FER1L5: variants seen among roughly 807,000 people sequenced by gnomAD.
The protein encoded by FER1L5 is fer-1-like protein 5.
In FER1L5, 187 loss-of-function variants were observed where a neutral mutation model predicts 279.9. The observed-to-expected ratio is 0.67, with a 90% confidence interval of 0.59 to 0.75. The LOEUF (loss-of-function observed/expected upper bound fraction) is 0.75. Ranked by LOEUF, FER1L5 falls within the 30% of genes least tolerant of loss-of-function variation. The pLI, the probability that FER1L5 is intolerant of heterozygous loss-of-function variation, is 0.00. For missense variants in FER1L5, 2,091 were observed against 2,594.4 expected, an observed-to-expected ratio of 0.81 and a Z score of 4.21; for synonymous variants, 921 against 989.7, an observed-to-expected ratio of 0.93 and a Z score of 1.30.
intron 10 of FER1L5, 125 bp downstream of exon 10, chr2:96,660,496 T>A: frequency 1.2e-6 from 1 of 814,678 alleles, no homozygotes; most frequent in Non-Finnish European, 2.0e-6. Flanking sequence ...TGTAAATTAT[T>A]TTCTGTATTT....
At chr2:96,656,070 C>T (rs1165319570) in intron 9 of FER1L5, among the ~76,000 whole-genome samples, 1 of 151,998 alleles carries the variant, frequency 6.6e-6, no homozygotes, top group Non-Finnish European at 1.5e-5. Flanking sequence ...ATCCTCATCA[C>T]TCATCTTCAT....
At chr2:96,649,279 T>A (rs546565168) in intron 4 of FER1L5, among the ~76,000 whole-genome samples, 1 of 151,998 alleles carries the variant, frequency 6.6e-6, no homozygotes, top group Non-Finnish European at 1.5e-5. Flanking sequence ...GTTCATGAGA[T>A]GTTGGGCTAG....
rs1221458302 is a variant in FER1L5, at chr2:96,693,423, GGT to G, written c.3293-82_3293-81del. 11 of 1,393,280 alleles carry G rather than the reference GGT, an allele frequency of 7.9e-6. No individual in the cohort carries two copies. The East Asian group carries it at 2.8e-4, about 35-fold the overall frequency. The allele number at this position is 1,393,280 out of a possible 1,614,324, so 86.3% of individuals were successfully genotyped here. A position where few individuals can be genotyped will look rare whatever the true frequency, so the allele number is the denominator to read the frequency against. ...TGCCTGACCCTCCTGGGCCCCACTG[GGT>G]CCAGTGGCTGCAGCAGCAGAGGAGA... On this transcript the variant is annotated intron_variant, in intron 31 of 52. Coordinates refer to ENST00000624922, the MANE Select transcript of FER1L5 (RefSeq NM_001293083.2).
chr2:96,675,089 C>T (rs1370566999), intron 19 of FER1L5, among the ~76,000 whole-genome samples: 1 of 152,198 alleles, frequency 6.6e-6, no homozygotes, highest in Non-Finnish European at 1.5e-5. Flanking sequence ...ATCTTCTGCT[C>T]AACATTAAAC....
In FER1L5 at chr2:96,670,289, C is replaced by T. The variant is rs990144280; in HGVS notation, c.1491+42C>T. 54 of 1,547,860 alleles carry T rather than the reference C, an allele frequency of 3.5e-5. No individual in the cohort carries two copies. The Admixed American group carries it at 1.0e-3, about 30-fold the overall frequency. ...GGTAACCCAGGGAAAAACAAGAGCC[C>T]TGTCTGCCCCGGATCTACTGTGGAT... On this transcript the variant is annotated intron_variant, in intron 18 of 52. Coordinates refer to ENST00000624922, the MANE Select transcript of FER1L5 (RefSeq NM_001293083.2).
rs1207059051 is a variant in FER1L5, at chr2:96,698,010, C to T, written c.4237-27C>T. ...TCCTAATCACGGGAACAGTCTCCAC[C>T]AGCCAGGGTTCCACACACCTCTGCA... On this transcript the variant is annotated intron_variant, in intron 39 of 52. Coordinates refer to ENST00000624922, the MANE Select transcript of FER1L5 (RefSeq NM_001293083.2). This position sits in a 1 kb window ranked among gnomAD's most constrained non-coding sequence, Gnocchi z 5.5. The T allele has an allele frequency of 2.6e-6, 4 of 1,546,694 alleles. No homozygotes were observed. The highest frequency in any genetic ancestry group is 3.5e-6 in the Non-Finnish European group (4 of 1,144,528).
chr2:96,671,440 C>T (rs2076326404), intron 18 of FER1L5, among the ~76,000 whole-genome samples: 1 of 152,216 alleles, frequency 6.6e-6, no homozygotes, highest in East Asian at 1.9e-4. Context: ...GCTGACTCCC[C>T]TTACTGAGGC....
At chr2:96,696,274 T>C (rs2077375439) in intron 37 of FER1L5, among the ~76,000 whole-genome samples, 197 bp downstream of exon 37, 1 of 152,158 alleles carries the variant, frequency 6.6e-6, no homozygotes, top group African/African-American at 2.4e-5. Flanking sequence ...TCTGAGAGTT[T>C]TTGATTTTTT....
intron 31 of FER1L5, among the ~76,000 whole-genome samples, chr2:96,693,104 A>C (rs1464165674): frequency 6.6e-6 from 1 of 151,028 alleles, no homozygotes; most frequent in Non-Finnish European, 1.5e-5. Context: ...TGAACCCAGG[A>C]GGCAGAGGTT....
chr2:96,697,618 G>C (rs772322469), intron 38 of FER1L5, 42 bp downstream of exon 38: 1 of 1,613,818 alleles, frequency 6.2e-7, no homozygotes, highest in South Asian at 1.1e-5. Context: ...GAGGTGGGGG[G>C]CTGCCCCTGC....
intron 19 of FER1L5, among the ~76,000 whole-genome samples, chr2:96,679,256 G>A (rs966782596): frequency 4.0e-5 from 6 of 150,072 alleles, no homozygotes; most frequent in South Asian, 2.1e-4. Flanking sequence ...ATGGCGTCTC[G>A]CTCCCTCACC....
intron 5 of FER1L5, 47 bp from the exon 6 acceptor site, chr2:96,650,130 ACCT>A: frequency 7.0e-7 from 1 of 1,422,510 alleles, no homozygotes; most frequent in Non-Finnish European, 9.7e-7. Context: ...AATACCTCAA[ACCT>A]CCTGGGCCCC....
intron 51 of FER1L5, 103 bp downstream of exon 51, chr2:96,703,735 C>A: frequency 1.0e-6 from 1 of 952,774 alleles, no homozygotes; most frequent in Non-Finnish European, 1.7e-6. Context: ...TTACCTCCCA[C>A]CCCACAGCTC....
intron 1 of FER1L5, among the ~76,000 whole-genome samples, chr2:96,645,376 A>G (rs902937495): frequency 1.3e-4 from 20 of 152,192 alleles, no homozygotes; most frequent in Non-Finnish European, 2.1e-4. Context: ...GAGGAGAATG[A>G]AGAATCTCAT....
Position 96,693,929 on chromosome 2 carries a change from G to A in FER1L5, c.3493G>A (p.Gly1165Arg), listed in dbSNP as rs778401502. 1 of 1,550,666 alleles carries A rather than the reference G, an allele frequency of 6.4e-7. No homozygotes were observed. Among genetic ancestry groups the A allele is most frequent in the South Asian group, 1.2e-5 (1 of 83,804 alleles). ...CCTCCAGGGCAAGGAGAGCTTGTGG[G>A]GACGGAGCGTGTGGCCCCCAATGGT... Reference protein sequence around the residue: ...RDFWGKESLWGRSVWPPMVWL... With the variant: ...RDFWGKESLWRRSVWPPMVWL... Residue 1165 changes from glycine (G) to arginine (R), a missense_variant, in exon 33 of 53, where the codon GGA becomes AGA. Coordinates refer to ENST00000624922, the MANE Select transcript of FER1L5 (RefSeq NM_001293083.2).
intron 26 of FER1L5, 69 bp from the exon 27 acceptor site, chr2:96,690,418 G>A: frequency 7.0e-7 from 1 of 1,419,794 alleles, no homozygotes; most frequent in Non-Finnish European, 9.7e-7. Flanking sequence ...ACAGGTGTGG[G>A]AAGAGGGAGG....
chr2:96,693,764 A>G, intron 32 of FER1L5, 77 bp downstream of exon 32: 4 of 1,495,160 alleles, frequency 2.7e-6, no homozygotes, highest in South Asian at 2.7e-5. Context: ...TTAGATGAAA[A>G]TGTATGGAAA....
rs754715472 is a variant in FER1L5 at position 96,663,403 on chromosome 2, G to C, written c.1072-36G>C. The C allele has an allele frequency of 4.5e-6, 7 of 1,546,108 alleles. No individual in the cohort carries two copies. The South Asian group carries it at 7.1e-5, about 16-fold the overall frequency. ...GTGAGGTCAGTGGAGGGAGGAGGGGGCAGGCTGGCACCAACACTGCTTTGG... is the reference window on the plus strand; with the variant it reads ...GTGAGGTCAGTGGAGGGAGGAGGGGCCAGGCTGGCACCAACACTGCTTTGG... On this transcript the variant is annotated intron_variant, in intron 13 of 52. Transcript: ENST00000624922.
intron 31 of FER1L5, 96 bp from the exon 32 acceptor site, chr2:96,693,410 C>T (rs2077233663): frequency 1.5e-6 from 2 of 1,314,240 alleles, no homozygotes; most frequent in Non-Finnish European, 2.0e-6. Flanking sequence ...CCTGACCCTC[C>T]TGGGCCCCAC....
Sources: allele counts gnomAD v4.1 joint callset (sites outside exome capture counted in the v4.1 genomes callset), GRCh38; gene constraint gnomAD v4.1.1; non-coding constraint Gnocchi (gnomAD v3.1); transcripts MANE v1.5; gene names NCBI Gene and HGNC (gene_info 2026-07-23, HGNC 2026-07-21).